Variants in ADCY2 observed in about 807,000 individuals in gnomAD.
ADCY2 encodes adenylate cyclase type 2.
In ADCY2, 31 loss-of-function variants were observed where a neutral mutation model predicts 125.2. The ratio of observed to expected loss-of-function variants is 0.25; its 90% CI spans 0.19 to 0.33. The LOEUF (loss-of-function observed/expected upper bound fraction) is 0.33. Ranked by LOEUF, ADCY2 falls within the 10% of genes least tolerant of loss-of-function variation. ADCY2 has a pLI of 1.00. For missense variants in ADCY2, 904 were observed against 1,418.2 expected (o/e 0.64, Z 5.82); for synonymous variants, 512 against 548.4 (o/e 0.93, Z 0.93).
chr5:7,687,076 G>A (rs765166035), intron 4 of ADCY2, among the ~76,000 whole-genome samples: 8 of 152,144 alleles, frequency 5.3e-5, no homozygotes, highest in Non-Finnish European at 8.8e-5. Flanking sequence ...AGTTACCAAC[G>A]TCTTCATTTC....
chr5:7,551,451 T>A (rs1735338203), intron 3 of ADCY2, among the ~76,000 whole-genome samples: 1 of 152,206 alleles, frequency 6.6e-6, no homozygotes. Context: ...AAGATCAGTG[T>A]TCTTATTTTG....
chr5:7,721,967 G>A (rs1182162071), intron 12 of ADCY2, among the ~76,000 whole-genome samples: 3 of 152,236 alleles, frequency 2.0e-5, no homozygotes, highest in African/African-American at 7.2e-5. Flanking sequence ...AGTAGTGGGA[G>A]TGGAGGCCAC....
In ADCY2 at chr5:7,399,925, T is replaced by A. The variant is rs77868890; in HGVS notation, c.210+3419T>A. On this transcript the variant is annotated intron_variant, in intron 1 of 24. Transcript: ENST00000338316. ...TTATCATGTCACTTGGTTTTTAATT[T>A]TTTTCTTTTTCTTTTTCTCATTTTT... Among the ~76,000 whole-genome samples, 226 of 152,248 alleles carry A rather than the reference T, an allele frequency of 1.5e-3. 2 individuals carry two copies. In the East Asian group the frequency reaches 0.04, roughly 27 times the overall value.
At chr5:7,651,170 G>T (rs1739075303) in intron 4 of ADCY2, among the ~76,000 whole-genome samples, 1 of 152,180 alleles carries the variant, frequency 6.6e-6, no homozygotes. Flanking sequence ...AGGCACCAAA[G>T]ATAGAGGAAA....
chr5:7,500,580 C>A (rs1327062149), intron 2 of ADCY2, among the ~76,000 whole-genome samples: 1 of 152,112 alleles, frequency 6.6e-6, no homozygotes, highest in African/African-American at 2.4e-5. Flanking sequence ...CCAGTAAAAT[C>A]AGGAGAAAAA....
Position 7,418,724 on chromosome 5 carries a change from C to T in ADCY2, c.408+3954C>T, listed in dbSNP as rs531948932. 8.0e-4 allele frequency among the ~76,000 whole-genome samples: 106 copies of T among 132,866 alleles called. No individual in the cohort carries two copies. In the South Asian group the frequency reaches 9.5e-3, roughly 12 times the overall value. The allele number at this position is 132,866 out of a possible 152,430, so 87.2% of individuals were successfully genotyped here. ...AGGCTGGAGTGCAGTCGTGCGATCT[C>T]GGCTCACTACAACCTCCGCCTCCTG... On this transcript the variant is annotated intron_variant, in intron 2 of 24. Coordinates refer to ENST00000338316, the MANE Select transcript of ADCY2 (RefSeq NM_020546.3).
At chr5:7,757,982 C>T (rs1474620961) in intron 16 of ADCY2, among the ~76,000 whole-genome samples, 1 of 152,152 alleles carries the variant, frequency 6.6e-6, no homozygotes, top group East Asian at 1.9e-4. Context: ...GAAATAACTG[C>T]AATGTCTTAA....
intron 2 of ADCY2, among the ~76,000 whole-genome samples, chr5:7,453,697 A>C (rs1741557524): frequency 6.6e-6 from 1 of 152,150 alleles, no homozygotes; most frequent in Non-Finnish European, 1.5e-5. Flanking sequence ...GGGGAAGTAT[A>C]CGTTGGCATA....
intron 3 of ADCY2, among the ~76,000 whole-genome samples, chr5:7,595,208 T>G (rs1736969376): frequency 6.6e-6 from 1 of 152,334 alleles, no homozygotes; most frequent in Non-Finnish European, 1.5e-5. Context: ...GGAATAAATT[T>G]AAAAACAATA....
chr5:7,675,071 C>T (rs1245982149), intron 4 of ADCY2, among the ~76,000 whole-genome samples: 2 of 150,976 alleles, frequency 1.3e-5, no homozygotes, highest in Admixed American at 6.6e-5. Flanking sequence ...AGGAGAATGG[C>T]GTGAACCCGG....
chr5:7,658,663 G>A (rs923921454), intron 4 of ADCY2, among the ~76,000 whole-genome samples: 2 of 152,094 alleles, frequency 1.3e-5, no homozygotes, highest in African/African-American at 4.8e-5. Flanking sequence ...TAAATCTGAA[G>A]TGTATTAGTC....
intron 16 of ADCY2, among the ~76,000 whole-genome samples, chr5:7,765,677 C>T (rs1455121979): frequency 6.6e-6 from 1 of 152,152 alleles, no homozygotes; most frequent in Non-Finnish European, 1.5e-5. Flanking sequence ...CAGAAACAAA[C>T]AAAAGCAACC....
At chr5:7,819,409 A>C (rs1745224483) in intron 23 of ADCY2, among the ~76,000 whole-genome samples, 1 of 152,230 alleles carries the variant, frequency 6.6e-6, no homozygotes, top group Non-Finnish European at 1.5e-5. Flanking sequence ...GCTATTTGCC[A>C]GTCATATGTG....
At position 7,773,050 on chromosome 5, in the gene ADCY2, T is replaced by G. The variant is rs1579418303; in HGVS notation, c.2333T>G (p.Leu778Arg). 3.7e-6 allele frequency: 6 copies of G among 1,614,184 alleles called. No homozygotes were observed. The East Asian group carries it at 1.3e-4, about 36-fold the overall frequency. ...VALVGYNTIL[L>R]HTHAHVLGDY... is the part of the protein sequence containing the mutation. The stretch of plus-strand genomic sequence containing the variant: ...TTGGTGGGCTACAACACCATCCTAC[T>G]CCACACCCACGCCCACGTCCTGGGC... Residue 778 changes from leucine (L) to arginine (R), a missense_variant, in exon 18 of 25, where the codon CTC (leucine) becomes CGC (arginine). By Grantham distance (102) the Leu-to-Arg change is moderately radical. Around this residue, in one of 7 missense-constraint regions of ADCY2, gnomAD observed 221 missense variants for 246.2 expected, o/e 0.90. Transcript: ENST00000338316.
chr5:7,765,821 T>G (rs1743358122), intron 16 of ADCY2, among the ~76,000 whole-genome samples: 1 of 152,220 alleles, frequency 6.6e-6, no homozygotes, highest in African/African-American at 2.4e-5. Flanking sequence ...GCTGAAGTCA[T>G]GAGTCTCTGG....
intron 3 of ADCY2, among the ~76,000 whole-genome samples, chr5:7,527,551 C>T (rs1734516353): frequency 6.6e-6 from 1 of 152,138 alleles, no homozygotes; most frequent in Non-Finnish European, 1.5e-5. Flanking sequence ...TATAGATTTA[C>T]TTAAGCAAGC....
chr5:7,575,400 GA>G (rs1420657069), intron 3 of ADCY2, among the ~76,000 whole-genome samples: 1 of 152,076 alleles, frequency 6.6e-6, no homozygotes, highest in Non-Finnish European at 1.5e-5. Flanking sequence ...AGATGTTCAA[GA>G]AACAGTAATG....
intron 3 of ADCY2, among the ~76,000 whole-genome samples, chr5:7,602,782 G>A (rs537605300): frequency 2.0e-5 from 3 of 152,120 alleles, no homozygotes; most frequent in South Asian, 2.1e-4. Flanking sequence ...TAACAGAAGC[G>A]TATCCTACAG....
In ADCY2 at chr5:7,688,413, G is replaced by A. The variant is rs567314311; in HGVS notation, c.721-2278G>A. On this transcript the variant is annotated intron_variant, in intron 4 of 24. Coordinates refer to ENST00000338316, the MANE Select transcript of ADCY2 (RefSeq NM_020546.3). ...CTCCCAAGTAGCTGGGACTACAGGT[G>A]CCTGCCACCATGCCCAGCTAATTTT... Among the ~76,000 whole-genome samples the A allele has an allele frequency of 4.7e-5, 7 of 150,076 alleles. No homozygotes were observed. In the East Asian group the frequency reaches 6.2e-4, roughly 13 times the overall value.
Sources: allele counts gnomAD v4.1 joint callset (sites outside exome capture counted in the v4.1 genomes callset), GRCh38; gene constraint gnomAD v4.1.1; regional missense constraint gnomAD v4.1.1; transcripts MANE v1.5; gene names NCBI Gene and HGNC (gene_info 2026-07-23, HGNC 2026-07-21).